The following ZNF385D variants were observed in gnomAD, a reference collection of about 807,000 sequenced individuals.
ZNF385D encodes the protein zinc finger protein 659.
ZNF385D carries 15 observed loss-of-function variants against 35.8 expected under a neutral mutation model. The observed-to-expected ratio is 0.42, with a 90% CI of 0.28 to 0.64. ZNF385D has a LOEUF of 0.64. ZNF385D is among the 30% of genes least tolerant of loss of function. The probability of loss-of-function intolerance (pLI) is 0.23; values close to 1 mark genes in which losing one functional copy is unlikely to be tolerated. For missense variants in ZNF385D, 474 were observed against 494.6 expected (o/e 0.96, Z 0.39); for synonymous variants, 212 against 186.8 (o/e 1.13, Z -1.10).
chr3:21,723,733 A>G (rs900429792), intron 1 of ZNF385D, among the ~76,000 whole-genome samples: 3 of 152,154 alleles, frequency 2.0e-5, no homozygotes, highest in African/African-American at 4.8e-5. Flanking sequence ...TCTTCAGGAT[A>G]TTATCCAGGA....
chr3:21,714,458 A>G (rs2068234769), intron 1 of ZNF385D, among the ~76,000 whole-genome samples: 1 of 152,134 alleles, frequency 6.6e-6, no homozygotes, highest in African/African-American at 2.4e-5. Flanking sequence ...ATAAATTCCC[A>G]TATTCTTATC....
intron 1 of ZNF385D, among the ~76,000 whole-genome samples, chr3:21,722,505 C>A (rs894036117): frequency 6.6e-6 from 1 of 152,208 alleles, no homozygotes; most frequent in African/African-American, 2.4e-5. Flanking sequence ...GGAGTCTAGG[C>A]TCCTCCTGCT....
chr3:22,050,061 T>C (rs1029071099), intron 3 of ZNF385D, among the ~76,000 whole-genome samples: 1 of 152,154 alleles, frequency 6.6e-6, no homozygotes, highest in African/African-American at 2.4e-5. Flanking sequence ...AGGATTGGTA[T>C]TAGTTTAGTT....
At chr3:21,552,183 G>A (rs1414568116) in intron 3 of ZNF385D, among the ~76,000 whole-genome samples, 3 of 152,256 alleles carry the variant, frequency 2.0e-5, no homozygotes, top group Admixed American at 2.0e-4. Flanking sequence ...AAGGGCTGTC[G>A]CATTGGGCTT....
chr3:22,095,634 T>G (rs1326802128), intron 3 of ZNF385D, among the ~76,000 whole-genome samples: 1 of 148,846 alleles, frequency 6.7e-6, no homozygotes, highest in Non-Finnish European at 1.5e-5. Context: ...CTGAGTGCAG[T>G]GTATAAAAAT....
chr3:21,684,663 CT>C (rs2067048343), intron 1 of ZNF385D, among the ~76,000 whole-genome samples: 1 of 152,030 alleles, frequency 6.6e-6, no homozygotes, highest in South Asian at 2.1e-4. Flanking sequence ...TTTGATTTTT[CT>C]GATGTTCTTA....
chr3:22,319,824 C>G (rs1408407215), intron 2 of ZNF385D, among the ~76,000 whole-genome samples: 2 of 152,114 alleles, frequency 1.3e-5, no homozygotes, highest in Admixed American at 6.5e-5. Flanking sequence ...AAGGGGTTGA[C>G]TTTGAATCTA....
chr3:21,625,720 C>T lies in ZNF385D; in HGVS notation c.165+39166G>A, dbSNP rs74355354. Among the ~76,000 whole-genome samples, 481 of 152,074 alleles carry T rather than the reference C, an allele frequency of 3.2e-3. 2 individuals carry two copies. The highest frequency in any genetic ancestry group is 0.011 in the African/African-American group (468 of 41,530). On this transcript the variant is annotated intron_variant, in intron 2 of 7. Transcript: ENST00000281523. ...CTGTGCTGTTCAAGATCATGGACTC[C>T]AGTTAAATGTGACTATTCAAATTGA...
chr3:22,009,017 C>T (rs1270160732), intron 3 of ZNF385D, among the ~76,000 whole-genome samples: 1 of 152,106 alleles, frequency 6.6e-6, no homozygotes, highest in Admixed American at 6.5e-5. Context: ...AGAAACATTA[C>T]AAAGTCATAC....
chr3:21,991,297 T>C (rs1695131335), intron 3 of ZNF385D, among the ~76,000 whole-genome samples: 2 of 152,182 alleles, frequency 1.3e-5, no homozygotes, highest in Non-Finnish European at 2.9e-5. Flanking sequence ...ATTGTAGTTA[T>C]AATAAACTAT....
intron 2 of ZNF385D, among the ~76,000 whole-genome samples, chr3:22,305,633 C>A (rs1278051373): frequency 6.6e-6 from 1 of 152,068 alleles, no homozygotes; most frequent in Admixed American, 6.6e-5. Flanking sequence ...AGAACTTGTG[C>A]CCAGAGATGA....
At chr3:22,272,429 G>C (rs1164365624) in intron 2 of ZNF385D, among the ~76,000 whole-genome samples, 1 of 151,818 alleles carries the variant, frequency 6.6e-6, no homozygotes, top group Non-Finnish European at 1.5e-5. Context: ...TACCCATAAT[G>C]AACTCAAGAA....
intron 3 of ZNF385D, among the ~76,000 whole-genome samples, chr3:21,512,166 A>G (rs1707266382): frequency 1.4e-5 from 2 of 146,898 alleles, no homozygotes; most frequent in Non-Finnish European, 3.0e-5. Context: ...AAAAAAAAAG[A>G]AGTACATAGA....
chr3:22,236,298 T>C (rs904337041), intron 2 of ZNF385D, among the ~76,000 whole-genome samples: 4 of 152,136 alleles, frequency 2.6e-5, no homozygotes, highest in Non-Finnish European at 4.4e-5. Flanking sequence ...TTATTGATGA[T>C]AATTATCACT....
chr3:21,478,907 A>G (rs1704415698), intron 4 of ZNF385D, among the ~76,000 whole-genome samples: 2 of 152,082 alleles, frequency 1.3e-5, no homozygotes, highest in African/African-American at 2.4e-5. Context: ...GAAGGGAATC[A>G]CAGGAGGTTT....
chr3:21,887,072 C>G (rs2125874468), intron 3 of ZNF385D, among the ~76,000 whole-genome samples: 1 of 152,166 alleles, frequency 6.6e-6, no homozygotes, highest in African/African-American at 2.4e-5. Flanking sequence ...TCAAGTTGCC[C>G]CATTATGCTT....
intron 3 of ZNF385D, among the ~76,000 whole-genome samples, chr3:21,857,212 C>T (rs1352753468): frequency 6.6e-6 from 1 of 152,070 alleles, no homozygotes; most frequent in African/African-American, 2.4e-5. Flanking sequence ...ATGGCACCAA[C>T]AACAAAGTTA....
chr3:21,574,313 C>G (rs957292673), intron 2 of ZNF385D, among the ~76,000 whole-genome samples: 2 of 152,004 alleles, frequency 1.3e-5, no homozygotes, highest in African/African-American at 4.8e-5. Flanking sequence ...TGAATAAAGT[C>G]CGCAAATTCC....
At chr3:22,339,385 T>C (rs1013777375) in intron 2 of ZNF385D, among the ~76,000 whole-genome samples, 3 of 152,196 alleles carry the variant, frequency 2.0e-5, no homozygotes, top group East Asian at 1.9e-4. Context: ...GTTCAACTAA[T>C]AGTTATCAAA....
Sources: gnomAD v4.1 joint callset for allele counts (sites outside exome capture counted in the v4.1 genomes callset) on GRCh38, gnomAD v4.1.1 for gene constraint, MANE v1.5 for transcripts, NCBI Gene and HGNC (gene_info 2026-07-23, HGNC 2026-07-21) for gene names.